Variants in PALM2AKAP2 observed in about 807,000 individuals in gnomAD.
PALM2AKAP2 encodes PALM2-AKAP2 fusion protein.
In PALM2AKAP2, 37 loss-of-function variants were observed where a neutral mutation model predicts 71.5. The ratio of observed to expected loss-of-function variants is 0.52; its 90% CI spans 0.40 to 0.68. The LOEUF is 0.68. PALM2AKAP2 is among the 30% of genes least tolerant of loss of function. The pLI is 0.00. For missense variants in PALM2AKAP2, 1,224 were observed against 1,191.8 expected, an observed-to-expected ratio of 1.03 and a Z score of -0.40; for synonymous variants, 468 against 478.8, an observed-to-expected ratio of 0.98 and a Z score of 0.29.
chr9:109,872,495 A>G (rs1485144488), intron 2 of PALM2AKAP2, among the ~76,000 whole-genome samples: 2 of 152,210 alleles, frequency 1.3e-5, no homozygotes, highest in African/African-American at 4.8e-5. Flanking sequence ...CCCTGTCAGA[A>G]TCAAATTGCT....
chr9:109,794,305 A>G (rs773117155), intron 1 of PALM2AKAP2, among the ~76,000 whole-genome samples: 3 of 152,006 alleles, frequency 2.0e-5, no homozygotes, highest in Non-Finnish European at 4.4e-5. Context: ...TAGGGTTAAC[A>G]GTTTGGCCCA....
chr9:109,834,418 T>C (rs1044985129), intron 1 of PALM2AKAP2, among the ~76,000 whole-genome samples: 1 of 152,218 alleles, frequency 6.6e-6, no homozygotes, highest in African/African-American at 2.4e-5. Context: ...TTTCTTTCAC[T>C]GATGTGCCGG....
At chr9:109,897,364 G>A (rs1001820555) in intron 3 of PALM2AKAP2, among the ~76,000 whole-genome samples, 2 of 151,964 alleles carry the variant, frequency 1.3e-5, no homozygotes, top group Admixed American at 6.6e-5. Flanking sequence ...GGTGGATCAC[G>A]AGTTCTGGAG....
intron 1 of PALM2AKAP2, among the ~76,000 whole-genome samples, chr9:109,771,339 A>T (rs965070280): frequency 1.3e-5 from 2 of 152,226 alleles, no homozygotes; most frequent in African/African-American, 4.8e-5. Context: ...GGGGAGCTGC[A>T]TTCCAAGCAT....
intron 1 of PALM2AKAP2, among the ~76,000 whole-genome samples, chr9:109,682,391 T>C (rs1827749668): frequency 6.6e-6 from 1 of 152,226 alleles, no homozygotes; most frequent in Admixed American, 6.5e-5. Context: ...AGTTGCATCT[T>C]CTACTGAAAA....
At chr9:110,162,258 T>G in intron 3 of PALM2AKAP2, 126 bp downstream of exon 10, 1 of 1,426,692 alleles carries the variant, frequency 7.0e-7, no homozygotes, top group African/African-American at 1.4e-5. Context: ...CCATATGTAT[T>G]TTTTTGTGCC....
At chr9:110,156,443 G>A (rs771487788) in exon 3 of PALM2AKAP2, 1 of 1,612,720 alleles carries the variant, frequency 6.2e-7, no homozygotes, top group Non-Finnish European at 8.5e-7. Flanking sequence ...AGACCCTCAT[G>A]GAAGACTATG....
chr9:109,719,224 A>G (rs1227499689), intron 1 of PALM2AKAP2, among the ~76,000 whole-genome samples: 2 of 152,258 alleles, frequency 1.3e-5, no homozygotes, highest in African/African-American at 4.8e-5. Context: ...TTAGGTTAAT[A>G]GACAATCACT....
chr9:110,001,687 C>A (rs1832683796), intron 6 of PALM2AKAP2, among the ~76,000 whole-genome samples: 1 of 152,124 alleles, frequency 6.6e-6, no homozygotes, highest in South Asian at 2.1e-4. Flanking sequence ...TCTTTGATTT[C>A]ATTGAGCAGT....
chr9:109,947,104 T>G (rs1339198421), intron 6 of PALM2AKAP2, among the ~76,000 whole-genome samples: 1 of 152,252 alleles, frequency 6.6e-6, no homozygotes, highest in Non-Finnish European at 1.5e-5. Flanking sequence ...TGGCCAAACC[T>G]AAAACACAGT....
chr9:109,648,400 C>A (rs1373919678), intron 1 of PALM2AKAP2, among the ~76,000 whole-genome samples: 1 of 152,124 alleles, frequency 6.6e-6, no homozygotes, highest in East Asian at 1.9e-4. Flanking sequence ...CCTTTTCATC[C>A]TAGGCACTGC....
chr9:109,782,744 T>TTGTTTGTGTGTG (rs1554713483), intron 1 of PALM2AKAP2, among the ~76,000 whole-genome samples: 4 of 144,196 alleles, frequency 2.8e-5, no homozygotes, highest in African/African-American at 1.1e-4. Context: ...GTGTGTTTGT[T>TTGTTTGTGTGTG]TGTGTGTGTG....
At chr9:109,732,534 T>A (rs1250887973) in intron 1 of PALM2AKAP2, among the ~76,000 whole-genome samples, 2 of 152,158 alleles carry the variant, frequency 1.3e-5, no homozygotes, top group Non-Finnish European at 2.9e-5. Context: ...GCACGCAAGG[T>A]TAGACTAGTT....
At chr9:110,168,574 A>G in exon 4 of PALM2AKAP2, 1 of 1,529,560 alleles carries the variant, frequency 6.5e-7, no homozygotes, top group Non-Finnish European at 8.9e-7. Context: ...AAAGCATTTT[A>G]ATGGACTATT....
At chr9:110,161,943 A>T (rs578117952) in intron 3 of PALM2AKAP2, 151 bp from the exon 10 acceptor site, 1 of 904,108 alleles carries the variant, frequency 1.1e-6, no homozygotes, top group South Asian at 1.6e-5. Context: ...CTAATATCAG[A>T]TGGAGAAAGT....
At position 109,699,813 on chromosome 9, in the gene PALM2AKAP2, C is replaced by T. The variant is rs1185084663; in HGVS notation, c.5+58947C>T. Among the ~76,000 whole-genome samples, 4 of 147,758 alleles carry T rather than the reference C, an allele frequency of 2.7e-5. No individual in the cohort carries two copies. The South Asian group carries it at 6.4e-4, about 24-fold the overall frequency. ...TTTTTGAGATGGAGTCTCACTCTGTCGCCCAGGCTGGAGTGCAGTGGGCAT... is the reference window on the plus strand; with the variant it reads ...TTTTTGAGATGGAGTCTCACTCTGTTGCCCAGGCTGGAGTGCAGTGGGCAT... On this transcript the variant is annotated intron_variant, in intron 1 of 6. Transcript: ENST00000374531.
chr9:110,162,767 A>G (rs770395164), intron 3 of PALM2AKAP2, among the ~76,000 whole-genome samples: 12 of 152,190 alleles, frequency 7.9e-5, no homozygotes, highest in South Asian at 2.1e-4. Flanking sequence ...CAGTGGTGCA[A>G]TCATAGCTCA....
At chr9:110,050,080 C>T (rs1008542519) in intron 1 of PALM2AKAP2, among the ~76,000 whole-genome samples, 9 of 152,220 alleles carry the variant, frequency 5.9e-5, no homozygotes, top group East Asian at 1.9e-4. Context: ...CACTACCCTT[C>T]CCCGTAGCAG....
intron 1 of PALM2AKAP2, among the ~76,000 whole-genome samples, chr9:109,823,486 C>T (rs1021397297): frequency 2.0e-5 from 3 of 152,170 alleles, no homozygotes; most frequent in Non-Finnish European, 4.4e-5. Flanking sequence ...GTCACAGAGG[C>T]AGCTTTCAAT....
Sources: gnomAD v4.1 joint callset for allele counts (sites outside exome capture counted in the v4.1 genomes callset) on GRCh38, gnomAD v4.1.1 for gene constraint, MANE v1.5 for transcripts, NCBI Gene and HGNC (gene_info 2026-07-23, HGNC 2026-07-21) for gene names.